Variants in TBC1D5 observed in about 807,000 individuals in gnomAD.
TBC1D5 encodes TBC1 domain family member 5.
A neutral mutation model predicts 100.3 loss-of-function variants in TBC1D5; 75 were observed. The ratio of observed to expected loss-of-function variants is 0.75; its 90% CI spans 0.62 to 0.91. TBC1D5 has a LOEUF of 0.91. TBC1D5 is among the 40% of genes least tolerant of loss of function. The probability of loss-of-function intolerance (pLI) is 0.00; values close to 1 mark genes in which losing one functional copy is unlikely to be tolerated. For synonymous variants in TBC1D5, 323 were observed against 325.6 expected (o/e 0.99, Z 0.09); for missense variants, 910 against 942.4 (o/e 0.97, Z 0.45).
chr3:17,532,603 T>C (rs968195471), intron 2 of TBC1D5, among the ~76,000 whole-genome samples: 13 of 152,098 alleles, frequency 8.5e-5, no homozygotes, highest in Non-Finnish European at 1.2e-4. Context: ...CCAACAATGA[T>C]AGACTGGATT....
chr3:17,290,734 G>A (rs2081641071), intron 15 of TBC1D5, among the ~76,000 whole-genome samples: 1 of 151,962 alleles, frequency 6.6e-6, no homozygotes, highest in Admixed American at 6.6e-5. Flanking sequence ...TATAAATATG[G>A]AACTTTCAAT....
At chr3:17,712,866 T>A (rs1320829987) in intron 1 of TBC1D5, among the ~76,000 whole-genome samples, 3 of 152,174 alleles carry the variant, frequency 2.0e-5, no homozygotes, top group African/African-American at 7.2e-5. Flanking sequence ...AGTCAGTAAT[T>A]CTGAGAGCAG....
chr3:17,602,265 G>T (rs966991283), intron 2 of TBC1D5, among the ~76,000 whole-genome samples: 6 of 152,108 alleles, frequency 3.9e-5, no homozygotes, highest in Non-Finnish European at 7.3e-5. Flanking sequence ...TCCCTTATCT[G>T]TCTCAATGGA....
At chr3:17,716,537 C>G (rs1252886747) in intron 1 of TBC1D5, among the ~76,000 whole-genome samples, 1 of 152,068 alleles carries the variant, frequency 6.6e-6, no homozygotes, top group African/African-American at 2.4e-5. Context: ...AACTAATCAG[C>G]TGAAAGATAC....
intron 2 of TBC1D5, among the ~76,000 whole-genome samples, chr3:17,523,742 A>T (rs1245280385): frequency 6.6e-6 from 1 of 152,154 alleles, no homozygotes; most frequent in Admixed American, 6.5e-5. Flanking sequence ...GTTTACAAAA[A>T]TTTTCACATA....
At chr3:17,608,775 G>C (rs1357135273) in intron 2 of TBC1D5, among the ~76,000 whole-genome samples, 2 of 151,982 alleles carry the variant, frequency 1.3e-5, no homozygotes, top group East Asian at 1.9e-4. Flanking sequence ...CAGATCATGG[G>C]GGGTTGAGGA....
chr3:17,495,987 A>G (rs924104909), intron 3 of TBC1D5, among the ~76,000 whole-genome samples: 1 of 152,198 alleles, frequency 6.6e-6, no homozygotes, highest in Non-Finnish European at 1.5e-5. Context: ...TTACCTTTCC[A>G]TGTACTGGTA....
At chr3:17,544,378 C>T (rs951144981) in intron 2 of TBC1D5, among the ~76,000 whole-genome samples, 3 of 152,150 alleles carry the variant, frequency 2.0e-5, no homozygotes, top group African/African-American at 4.8e-5. Context: ...CTCGGCCGGG[C>T]GCACTGGCTC....
intron 3 of TBC1D5, among the ~76,000 whole-genome samples, chr3:17,498,269 GA>G (rs948201254): frequency 4.7e-5 from 7 of 150,062 alleles, no homozygotes; most frequent in African/African-American, 7.3e-5. Flanking sequence ...AGTATTGTAT[GA>G]AAAAAAAATG....
chr3:17,207,079 T>C (rs2072301991), intron 18 of TBC1D5, among the ~76,000 whole-genome samples: 1 of 152,104 alleles, frequency 6.6e-6, no homozygotes, highest in African/African-American at 2.4e-5. Context: ...GGACTACAGG[T>C]GCATGCCACT....
intron 1 of TBC1D5, among the ~76,000 whole-genome samples, chr3:17,645,043 T>C (rs2064887019): frequency 6.6e-6 from 1 of 152,140 alleles, no homozygotes; most frequent in Non-Finnish European, 1.5e-5. Context: ...TGGTAGTCAT[T>C]TTCTGACAGT....
At chr3:17,645,886 T>C (rs759667205) in intron 1 of TBC1D5, among the ~76,000 whole-genome samples, 1 of 152,070 alleles carries the variant, frequency 6.6e-6, no homozygotes, top group Non-Finnish European at 1.5e-5. Flanking sequence ...ACAACTCATG[T>C]CTCTCTTTCC....
At chr3:17,278,416 T>C (rs1370637171) in intron 15 of TBC1D5, among the ~76,000 whole-genome samples, 1 of 152,250 alleles carries the variant, frequency 6.6e-6, no homozygotes. Flanking sequence ...ACAAATCATA[T>C]GCATCCACTA....
In TBC1D5 at chr3:17,737,255, T is replaced by C. The variant is rs571885074; in HGVS notation, c.-101+2088A>G. On this transcript the variant is annotated intron_variant, in intron 1 of 21. Transcript: ENST00000253692. The stretch of plus-strand genomic sequence containing the variant: ...TCTAGTTATTCTGAAGACTCACAAT[T>C]AGAAGTGGGAATCTAAGTACTTTTG... 9.7e-4 allele frequency among the ~76,000 whole-genome samples: 148 copies of C among 152,238 alleles called. 1 individual carries two copies. The highest frequency in any genetic ancestry group is 3.2e-3 in the African/African-American group (132 of 41,558).
chr3:17,367,387 T>C (rs1024412658), intron 13 of TBC1D5, among the ~76,000 whole-genome samples: 12 of 152,160 alleles, frequency 7.9e-5, no homozygotes, highest in African/African-American at 2.4e-4. Context: ...CAGGACATTC[T>C]TATGCTTATA....
intron 3 of TBC1D5, among the ~76,000 whole-genome samples, chr3:17,455,284 A>G (rs1316564393): frequency 3.4e-5 from 5 of 146,888 alleles, no homozygotes; most frequent in African/African-American, 7.5e-5. Flanking sequence ...ATGTGTGTAT[A>G]TATGTATATA....
Position 17,455,181 on chromosome 3 carries a change from CACGTGT to C in TBC1D5, c.98-26668_98-26663del, listed in dbSNP as rs1424821051. Among the ~76,000 whole-genome samples the C allele has an allele frequency of 3.5e-5, 5 of 144,760 alleles. No homozygotes were observed. In the South Asian group the frequency reaches 6.4e-4, roughly 19 times the overall value. The allele number at this position is 144,760 out of a possible 152,430, so 95.0% of individuals were successfully genotyped here. ...AAAAAAGTATACACACACACACACA[CACGTGT>C]GTGTGTATATATATGTATATATGTA... On this transcript the variant is annotated intron_variant, in intron 3 of 21. Coordinates refer to ENST00000253692, the Ensembl canonical transcript of TBC1D5.
chr3:17,357,156 G>A (rs2091293206), intron 13 of TBC1D5, among the ~76,000 whole-genome samples: 1 of 152,078 alleles, frequency 6.6e-6, no homozygotes, highest in Non-Finnish European at 1.5e-5. Context: ...ATGCAGTAAG[G>A]GCCAAGTGAA....
intron 3 of TBC1D5, among the ~76,000 whole-genome samples, chr3:17,437,780 G>C (rs1390340814): frequency 6.6e-6 from 1 of 151,986 alleles, no homozygotes; most frequent in East Asian, 1.9e-4. Flanking sequence ...CCACTTTAAA[G>C]GGTTCCCTAG....
Sources: allele counts gnomAD v4.1 joint callset (sites outside exome capture counted in the v4.1 genomes callset), GRCh38; gene constraint gnomAD v4.1.1; transcripts MANE v1.5; gene names NCBI Gene and HGNC (gene_info 2026-07-23, HGNC 2026-07-21).